CRPPA: variants seen among roughly 807,000 people sequenced by gnomAD.
CRPPA encodes CDP-L-ribitol pyrophosphorylase A, also known as D-ribitol-5-phosphate cytidylyltransferase.
Under a neutral mutation model 52.0 loss-of-function variants are expected in CRPPA, and 43 were observed. That is an observed-to-expected ratio of 0.83 (90% CI 0.65 to 1.07). CRPPA has a LOEUF of 1.07. CRPPA is among the 50% of genes least tolerant of loss of function. The probability of loss-of-function intolerance (pLI) is 0.00; values close to 1 mark genes in which losing one functional copy is unlikely to be tolerated. For synonymous variants in CRPPA, 250 were observed against 203.5 expected, an observed-to-expected ratio of 1.23 and a Z score of -1.94; for missense variants, 629 against 551.7, an observed-to-expected ratio of 1.14 and a Z score of -1.40.
intron 5 of CRPPA, among the ~76,000 whole-genome samples, chr7:16,291,794 G>C (rs1198483276): frequency 6.6e-6 from 1 of 151,784 alleles, no homozygotes; most frequent in Non-Finnish European, 1.5e-5. Flanking sequence ...TCAATACCCT[G>C]ATTTGATTAC....
chr7:16,203,242 C>G (rs1260538631), intron 9 of CRPPA, among the ~76,000 whole-genome samples: 2 of 151,906 alleles, frequency 1.3e-5, no homozygotes, highest in Admixed American at 1.3e-4. Flanking sequence ...ACATAATGAC[C>G]TATTGTTTGG....
At chr7:16,272,231 T>G (rs548987714) in intron 6 of CRPPA, among the ~76,000 whole-genome samples, 44 of 151,726 alleles carry the variant, frequency 2.9e-4, no homozygotes, top group African/African-American at 1.1e-3. Context: ...ATGGGGGGAG[T>G]AGGAGAGGTG....
intron 9 of CRPPA, among the ~76,000 whole-genome samples, chr7:16,158,041 A>ATT (rs750989831): frequency 7.3e-5 from 10 of 136,752 alleles, no homozygotes; most frequent in East Asian, 2.1e-4. Flanking sequence ...CGCCCAGCTA[A>ATT]TTTTTTTTTT....
intron 8 of CRPPA, among the ~76,000 whole-genome samples, 162 bp downstream of exon 8, chr7:16,258,228 C>T (rs1418284058): frequency 2.0e-5 from 3 of 152,012 alleles, no homozygotes; most frequent in Non-Finnish European, 4.4e-5. Flanking sequence ...GGCATTCAGT[C>T]ATAGAAGTCA....
At chr7:16,289,430 G>A (rs79986001) in intron 5 of CRPPA, among the ~76,000 whole-genome samples, 1,876 of 151,938 alleles carry the variant, frequency 0.012, 49 homozygotes, top group African/African-American at 0.043. Flanking sequence ...CAAAACCCCC[G>A]AAGAAAACAT....
chr7:16,399,146 A>G (rs1351331665), intron 2 of CRPPA, among the ~76,000 whole-genome samples: 5 of 152,198 alleles, frequency 3.3e-5, no homozygotes, highest in Non-Finnish European at 5.9e-5. Context: ...ATGTGTGACC[A>G]AAGCATGATT....
intron 5 of CRPPA, among the ~76,000 whole-genome samples, chr7:16,286,097 A>AAAAAATATATATATATATATAT: frequency 2.3e-4 from 9 of 39,116 alleles, no homozygotes; most frequent in African/African-American, 3.7e-4. Flanking sequence ...TAAAAAAAAA[A>AAAAAATATATATATATATATAT]ATATATATAT....
At chr7:16,265,936 T>A (rs1486167493) in intron 6 of CRPPA, among the ~76,000 whole-genome samples, 1 of 152,146 alleles carries the variant, frequency 6.6e-6, no homozygotes, top group Non-Finnish European at 1.5e-5. Context: ...CTGTTGGAAC[T>A]CCCAGGTCCA....
intron 3 of CRPPA, among the ~76,000 whole-genome samples, chr7:16,321,881 G>T (rs1041612299): frequency 6.6e-6 from 1 of 152,058 alleles, no homozygotes; most frequent in South Asian, 2.1e-4. Flanking sequence ...AATATACTAA[G>T]TCCTGAGAAA....
intron 6 of CRPPA, among the ~76,000 whole-genome samples, chr7:16,260,487 C>A (rs1783766173): frequency 6.6e-6 from 1 of 151,988 alleles, no homozygotes. Flanking sequence ...CAGAAAAAAA[C>A]CGAGTGCTAC....
intron 2 of CRPPA, among the ~76,000 whole-genome samples, chr7:16,388,534 A>G (rs2128314331): frequency 6.6e-6 from 1 of 152,284 alleles, no homozygotes; most frequent in Middle Eastern, 3.4e-3. Context: ...AAAGAAATAA[A>G]TTAGAGAATA....
intron 9 of CRPPA, among the ~76,000 whole-genome samples, chr7:16,177,557 C>T (rs1359297189): frequency 1.3e-5 from 2 of 151,808 alleles, no homozygotes; most frequent in South Asian, 2.1e-4. Flanking sequence ...AAAGAACATA[C>T]GTATATGTTT....
intron 6 of CRPPA, among the ~76,000 whole-genome samples, chr7:16,263,050 T>A (rs901509518): frequency 4.6e-5 from 7 of 152,196 alleles, no homozygotes; most frequent in Non-Finnish European, 7.3e-5. Context: ...TATTTTATTT[T>A]TATATTGTAC....
At chr7:16,254,728 A>C (rs1209968110) in intron 8 of CRPPA, among the ~76,000 whole-genome samples, 1 of 151,080 alleles carries the variant, frequency 6.6e-6, no homozygotes, top group Non-Finnish European at 1.5e-5. Flanking sequence ...CCTAGATCTT[A>C]AAGTATAAGA....
At chr7:16,401,932 A>T (rs1297864272) in intron 2 of CRPPA, among the ~76,000 whole-genome samples, 1 of 152,178 alleles carries the variant, frequency 6.6e-6, no homozygotes, top group Non-Finnish European at 1.5e-5. Context: ...TCAAACAATC[A>T]CCTAAGAGTA....
At chr7:16,259,464 C>G (rs1389403379) in intron 6 of CRPPA, among the ~76,000 whole-genome samples, 2 of 152,026 alleles carry the variant, frequency 1.3e-5, no homozygotes, top group African/African-American at 2.4e-5. Context: ...GAAATCATCA[C>G]AACAATATAA....
intron 6 of CRPPA, among the ~76,000 whole-genome samples, chr7:16,274,343 G>C (rs368591810): frequency 1.3e-4 from 20 of 151,998 alleles, no homozygotes; most frequent in Non-Finnish European, 1.5e-5. Context: ...CACCACACCC[G>C]GCCTGTTGTG....
chr7:16,346,549 T>A (rs1337160307), intron 3 of CRPPA, among the ~76,000 whole-genome samples: 1 of 152,006 alleles, frequency 6.6e-6, no homozygotes, highest in Non-Finnish European at 1.5e-5. Flanking sequence ...AAAGCTAAGA[T>A]AATTAGCAGA....
At chr7:16,120,432 T>G (rs867332952) in intron 9 of CRPPA, among the ~76,000 whole-genome samples, 12 of 152,284 alleles carry the variant, frequency 7.9e-5, no homozygotes, top group Middle Eastern at 3.4e-3. Context: ...TCTTAGTGAC[T>G]GTAAAACATT....
Sources: gnomAD v4.1 joint callset for allele counts (sites outside exome capture counted in the v4.1 genomes callset) on GRCh38, gnomAD v4.1.1 for gene constraint, MANE v1.5 for transcripts, NCBI Gene and HGNC (gene_info 2026-07-23, HGNC 2026-07-21) for gene names.